CALD1: variants seen among roughly 807,000 people sequenced by gnomAD.
CALD1 encodes the protein caldesmon.
A neutral mutation model predicts 99.9 loss-of-function variants in CALD1; 33 were observed. The observed-to-expected ratio is 0.33, with a 90% CI of 0.25 to 0.44. The LOEUF is 0.44. Ranked by LOEUF, CALD1 falls within the 20% of genes least tolerant of loss-of-function variation. The pLI is 1.00. For synonymous variants in CALD1, 310 were observed against 325.0 expected, an observed-to-expected ratio of 0.95 and a Z score of 0.50; for missense variants, 861 against 962.1, an observed-to-expected ratio of 0.89 and a Z score of 1.39.
intron 1 of CALD1, among the ~76,000 whole-genome samples, chr7:134,784,291 T>G (rs1797222705): frequency 6.6e-6 from 1 of 152,232 alleles, no homozygotes; most frequent in African/African-American, 2.4e-5. Flanking sequence ...TTAGTTCCTC[T>G]GACACCCACA....
At chr7:134,857,326 C>T (rs796293669) in intron 2 of CALD1, among the ~76,000 whole-genome samples, 3 of 151,798 alleles carry the variant, frequency 2.0e-5, no homozygotes, top group South Asian at 2.1e-4. Context: ...CCCGCCACCA[C>T]GCCCGGCTAA....
At chr7:134,833,748 C>T (rs1799321074) in intron 1 of CALD1, among the ~76,000 whole-genome samples, 1 of 152,166 alleles carries the variant, frequency 6.6e-6, no homozygotes. Flanking sequence ...TTTATTTGCC[C>T]ACTAGAGTGT....
At chr7:134,733,433 A>G in the CALD1 span, among the ~76,000 whole-genome samples, 1 of 152,220 alleles carries the variant, frequency 6.6e-6, no homozygotes, top group African/African-American at 2.4e-5. Context: ...CCTCTTGACA[A>G]AACTATAGAC....
intron 1 of CALD1, among the ~76,000 whole-genome samples, chr7:134,813,540 C>G (rs1403566458): frequency 6.6e-6 from 1 of 152,124 alleles, no homozygotes; most frequent in Non-Finnish European, 1.5e-5. Context: ...TAAAGACAAA[C>G]TATCCAGATT....
At chr7:134,912,650 G>A (rs1253763955) in intron 3 of CALD1, among the ~76,000 whole-genome samples, 1 of 152,136 alleles carries the variant, frequency 6.6e-6, no homozygotes, top group Non-Finnish European at 1.5e-5. Flanking sequence ...TGAAAAAGAT[G>A]TAAACATGTA....
At chr7:134,912,533 CA>C (rs1241920071) in intron 3 of CALD1, among the ~76,000 whole-genome samples, 1 of 152,170 alleles carries the variant, frequency 6.6e-6, no homozygotes, top group African/African-American at 2.4e-5. Context: ...TTCCTTTCAG[CA>C]AGGTGAGTTT....
intron 1 of CALD1, among the ~76,000 whole-genome samples, chr7:134,784,244 T>G (rs1797219991): frequency 6.6e-6 from 1 of 152,188 alleles, no homozygotes; most frequent in Non-Finnish European, 1.5e-5. Flanking sequence ...GGGAATAATC[T>G]CACTTGGAGA....
intron 3 of CALD1, among the ~76,000 whole-genome samples, chr7:134,915,773 G>T (rs1804160741): frequency 1.3e-5 from 2 of 152,200 alleles, no homozygotes; most frequent in African/African-American, 2.4e-5. Context: ...TTAACTCAAA[G>T]GGAGTCTTTA....
At chr7:134,836,619 G>C (rs952674177) in intron 1 of CALD1, among the ~76,000 whole-genome samples, 1 of 152,172 alleles carries the variant, frequency 6.6e-6, no homozygotes, top group African/African-American at 2.4e-5. Flanking sequence ...TCTGTGAAGA[G>C]AAAGATACAT....
At chr7:134,839,619 T>C (rs1201950279) in intron 1 of CALD1, among the ~76,000 whole-genome samples, 1 of 152,258 alleles carries the variant, frequency 6.6e-6, no homozygotes, top group Admixed American at 6.5e-5. Context: ...TAGTTCATCA[T>C]AAGTTTCAAT....
chr7:134,960,240 A>G, intron 12 of CALD1, 129 bp downstream of exon 12: 1 of 1,094,626 alleles, frequency 9.1e-7, no homozygotes, highest in Non-Finnish European at 1.3e-6. Context: ...TTGTTTTGCA[A>G]TGACCACAAA....
chr7:134,820,926 AC>A (rs1375950263), intron 1 of CALD1, among the ~76,000 whole-genome samples: 1 of 152,210 alleles, frequency 6.6e-6, no homozygotes, highest in East Asian at 1.9e-4. Flanking sequence ...TTTAATGGTA[AC>A]ATGAAACCAC....
intron 1 of CALD1, among the ~76,000 whole-genome samples, chr7:134,765,169 G>T (rs1203247103): frequency 2.6e-5 from 4 of 152,020 alleles, no homozygotes; most frequent in African/African-American, 7.2e-5. Context: ...ACAAAAATTA[G>T]CCGAGTGTGG....
intron 14 of CALD1, among the ~76,000 whole-genome samples, chr7:134,966,094 T>C (rs1808662612): frequency 6.6e-6 from 1 of 151,998 alleles, no homozygotes; most frequent in African/African-American, 2.4e-5. Context: ...TCTCCTTCAA[T>C]AAAAAGAAAA....
intron 3 of CALD1, among the ~76,000 whole-genome samples, chr7:134,887,944 C>T (rs1801957223): frequency 6.6e-6 from 1 of 152,196 alleles, no homozygotes. Flanking sequence ...TTCCCACATA[C>T]CTCTCTTCCC....
At chr7:134,909,464 C>T (rs1018358350) in intron 3 of CALD1, among the ~76,000 whole-genome samples, 2 of 152,218 alleles carry the variant, frequency 1.3e-5, no homozygotes, top group Non-Finnish European at 2.9e-5. Context: ...GGATGGATCA[C>T]CTGAGGTCAG....
intron 1 of CALD1, among the ~76,000 whole-genome samples, chr7:134,813,734 G>A (rs1279508795): frequency 1.3e-5 from 2 of 152,172 alleles, no homozygotes; most frequent in Non-Finnish European, 2.9e-5. Flanking sequence ...AGACTTGCCA[G>A]GTAGCACTAA....
At chr7:134,826,119 G>A (rs1003977238) in intron 1 of CALD1, among the ~76,000 whole-genome samples, 1 of 151,866 alleles carries the variant, frequency 6.6e-6, no homozygotes, top group Admixed American at 6.6e-5. Context: ...ATTAAAGAGG[G>A]GTGAACAAAA....
At chr7:134,889,870 G>A (rs1802060754) in intron 3 of CALD1, among the ~76,000 whole-genome samples, 1 of 152,096 alleles carries the variant, frequency 6.6e-6, no homozygotes, top group Non-Finnish European at 1.5e-5. Flanking sequence ...TTATTAAACT[G>A]TATTTACTCT....
Sources: allele counts gnomAD v4.1 joint callset (sites outside exome capture counted in the v4.1 genomes callset), GRCh38; gene constraint gnomAD v4.1.1; transcripts MANE v1.5; gene names NCBI Gene and HGNC (gene_info 2026-07-23, HGNC 2026-07-21).